The following CDH4 variants were observed in gnomAD, a reference collection of about 807,000 sequenced individuals.
The protein encoded by CDH4 is cadherin-4.
A neutral mutation model predicts 86.0 loss-of-function variants in CDH4; 33 were observed. The ratio of observed to expected loss-of-function variants is 0.38; its 90% CI spans 0.29 to 0.51. The LOEUF (loss-of-function observed/expected upper bound fraction) is 0.51, where lower values mean the gene tolerates loss of function less well. Ranked by LOEUF, CDH4 falls within the 20% of genes least tolerant of loss-of-function variation. CDH4 has a pLI of 0.86. For missense variants in CDH4, 1,114 were observed against 1,307.4 expected (o/e 0.85, Z 2.28); for synonymous variants, 555 against 549.4 (o/e 1.01, Z -0.14).
Position 61,530,522 on chromosome 20 carries a change from G to A in CDH4, c.170-213041G>A, listed in dbSNP as rs546912533. Among the ~76,000 whole-genome samples the A allele has an allele frequency of 1.1e-4, 16 of 152,232 alleles. No individual in the cohort carries two copies. The South Asian group carries it at 3.3e-3, about 32-fold the overall frequency. On this transcript the variant is annotated intron_variant, in intron 2 of 15. Coordinates refer to ENST00000614565, the MANE Select transcript of CDH4 (RefSeq NM_001794.5). ...AAGGGGACCCTGCACGGCATGTACT[G>A]GGAAGTAGCCTCTTCCCCTGGCTCC...
intron 2 of CDH4, among the ~76,000 whole-genome samples, chr20:61,638,689 T>C (rs1358907663): frequency 1.3e-5 from 2 of 152,216 alleles, no homozygotes; most frequent in African/African-American, 4.8e-5. Context: ...TCTGCCCACA[T>C]TGTGAGTTAA....
At chr20:61,857,217 G>T (rs928264710) in intron 6 of CDH4, among the ~76,000 whole-genome samples, 1 of 152,256 alleles carries the variant, frequency 6.6e-6, no homozygotes, top group Non-Finnish European at 1.5e-5. Flanking sequence ...GCGCTGTCTG[G>T]GATGGTGGGC....
At chr20:61,660,705 G>C (rs2087244164) in intron 2 of CDH4, among the ~76,000 whole-genome samples, 1 of 152,186 alleles carries the variant, frequency 6.6e-6, no homozygotes, top group Non-Finnish European at 1.5e-5. Flanking sequence ...GTCCCAGAAG[G>C]CCTAGTCCTC....
At position 61,252,525 on chromosome 20, in the gene CDH4, C is replaced by A; in HGVS notation, c.12C>A (p.Gly4=). 1 of 1,194,394 alleles carries A rather than the reference C, an allele frequency of 8.4e-7. No individual in the cohort carries two copies. 74.0% of individuals were successfully genotyped at this position (1,194,394 alleles called of 1,614,324 possible). Residue 4 remains glycine (G), a synonymous_variant, in exon 1 of 16, where the codon GGC becomes GGA. Coordinates refer to ENST00000614565, the MANE Select transcript of CDH4 (RefSeq NM_001794.5). The surrounding 1 kb of genome is among the most constrained non-coding windows in gnomAD (Gnocchi z 4.4). Reference sequence around the variant, plus strand: ...GGGCGGCGGGGAAGATGACCGCGGGCGCCGGCGTGCTCCTTCTGCTGCTCT... The same window carrying A: ...GGGCGGCGGGGAAGATGACCGCGGGAGCCGGCGTGCTCCTTCTGCTGCTCT... MTA[G]AGVLLLLLSL... is the part of the protein sequence containing the mutation.
intron 2 of CDH4, among the ~76,000 whole-genome samples, chr20:61,427,525 G>A (rs1413738548): frequency 6.6e-6 from 1 of 150,612 alleles, no homozygotes; most frequent in African/African-American, 2.5e-5. Flanking sequence ...TGGACCACCT[G>A]GCAGCTCCAG....
At chr20:61,871,329 G>A (rs1429794719) in intron 6 of CDH4, among the ~76,000 whole-genome samples, 5 of 152,104 alleles carry the variant, frequency 3.3e-5, no homozygotes, top group Middle Eastern at 3.4e-3. Flanking sequence ...AGCTTCCATC[G>A]TTCCTGTTGA....
chr20:61,780,786 C>T (rs746372978), intron 4 of CDH4, among the ~76,000 whole-genome samples: 4 of 152,202 alleles, frequency 2.6e-5, no homozygotes, highest in African/African-American at 4.8e-5. Flanking sequence ...CTGGGTGAGA[C>T]GTGTGTGCAG....
chr20:61,626,487 T>G (rs2086831190), intron 2 of CDH4, among the ~76,000 whole-genome samples: 1 of 149,260 alleles, frequency 6.7e-6, no homozygotes. Flanking sequence ...AGTCAGTGCG[T>G]TGTGGGGGGT....
chr20:61,717,444 TTTTTTGG>T (rs11469792), intron 2 of CDH4: 58,839 of 150,788 alleles, frequency 0.39, 12,642 homozygotes, highest in Non-Finnish European at 0.48. Context: ...TTCGTGGGGT[TTTTTTGG>T]TTTTTGGTTT....
At chr20:61,313,420 C>T (rs985026837) in intron 2 of CDH4, among the ~76,000 whole-genome samples, 5 of 152,192 alleles carry the variant, frequency 3.3e-5, no homozygotes, top group African/African-American at 4.8e-5. Flanking sequence ...GGGCATCTTT[C>T]GCTCTCATTT....
intron 2 of CDH4, among the ~76,000 whole-genome samples, chr20:61,397,916 G>C (rs567473002): frequency 6.6e-6 from 1 of 152,090 alleles, no homozygotes; most frequent in Non-Finnish European, 1.5e-5. Flanking sequence ...TTTTTTTAGC[G>C]CATCCAGTGT....
chr20:61,565,257 A>ATGGGGAGG lies in CDH4; in HGVS notation c.170-178303_170-178302insGGAGGTGG, dbSNP rs1412166243. 1.7e-3 allele frequency among the ~76,000 whole-genome samples: 25 copies of ATGGGGAGG among 14,884 alleles called. 4 individuals carry two copies. The South Asian group carries it at 0.058, about 35-fold the overall frequency. The allele number at this position is 14,884 out of a possible 152,430, so 9.8% of individuals were successfully genotyped here. On this transcript the variant is annotated intron_variant, in intron 2 of 15. Transcript: ENST00000614565. ...GGTGGTGGTGGCGGTGCTCTTGGTG[A>ATGGGGAGG]TGGTGGTGGTGGTCCTCTTGGTGAT...
chr20:61,457,423 C>G (rs145531630), intron 2 of CDH4, among the ~76,000 whole-genome samples: 1 of 152,320 alleles, frequency 6.6e-6, no homozygotes, highest in African/African-American at 2.4e-5. Flanking sequence ...ATTCAACTCC[C>G]AAAGCAGGTG....
At chr20:61,376,116 G>A (rs1280761437) in intron 2 of CDH4, among the ~76,000 whole-genome samples, 3 of 112,016 alleles carry the variant, frequency 2.7e-5, no homozygotes, top group Non-Finnish European at 5.9e-5. Flanking sequence ...TGGTGGAGTG[G>A]TGGTGGTGAT....
intron 2 of CDH4, among the ~76,000 whole-genome samples, chr20:61,321,355 C>A (rs2427079): frequency 0.4 from 60,075 of 151,974 alleles, 12,766 homozygotes; most frequent in East Asian, 0.48. Context: ...GGCGGGGTTA[C>A]TCTTAACAAA....
At chr20:61,720,100 G>A (rs188190741) in intron 2 of CDH4, among the ~76,000 whole-genome samples, 182 of 152,230 alleles carry the variant, frequency 1.2e-3, no homozygotes, top group African/African-American at 3.4e-3. Context: ...GGGGAGTGCC[G>A]CCTGCTGTTT....
At chr20:61,578,837 G>A (rs1464710986) in intron 2 of CDH4, among the ~76,000 whole-genome samples, 1 of 151,830 alleles carries the variant, frequency 6.6e-6, no homozygotes, top group African/African-American at 2.4e-5. Context: ...ATCCATATAC[G>A]TGGCCCAGGA....
At chr20:61,646,699 CG>C (rs1407627683) in intron 2 of CDH4, among the ~76,000 whole-genome samples, 1 of 152,260 alleles carries the variant, frequency 6.6e-6, no homozygotes, top group Non-Finnish European at 1.5e-5. Flanking sequence ...CCCGGCTGCT[CG>C]CCTGCCTCCC....
chr20:61,626,437 T>C (rs1443431760), intron 2 of CDH4, among the ~76,000 whole-genome samples: 1 of 149,260 alleles, frequency 6.7e-6, no homozygotes, highest in Non-Finnish European at 1.5e-5. Context: ...TGTGTGCACG[T>C]GACTTGCAGA....
Sources: allele counts gnomAD v4.1 joint callset (sites outside exome capture counted in the v4.1 genomes callset), GRCh38; gene constraint gnomAD v4.1.1; non-coding constraint Gnocchi (gnomAD v3.1); transcripts MANE v1.5; gene names NCBI Gene and HGNC (gene_info 2026-07-23, HGNC 2026-07-21).